Variants in CNOT6L observed in about 807,000 individuals in gnomAD.
CNOT6L encodes CCR4-NOT transcription complex subunit 6 like.
A neutral mutation model predicts 64.0 loss-of-function variants in CNOT6L; 7 were observed. The observed-to-expected ratio is 0.11, with a 90% CI of 0.06 to 0.21. The LOEUF (loss-of-function observed/expected upper bound fraction) is 0.21. CNOT6L is among the 10% of genes least tolerant of loss of function. The probability of loss-of-function intolerance (pLI) is 1.00; values close to 1 mark genes in which losing one functional copy is unlikely to be tolerated. For synonymous variants in CNOT6L, 193 were observed against 243.4 expected, an observed-to-expected ratio of 0.79 and a Z score of 1.93; for missense variants, 245 against 669.0, an observed-to-expected ratio of 0.37 and a Z score of 6.99.
intron 5 of CNOT6L, among the ~76,000 whole-genome samples, chr4:77,750,303 T>A (rs1047257455): frequency 6.6e-6 from 1 of 152,174 alleles, no homozygotes; most frequent in Non-Finnish European, 1.5e-5. Flanking sequence ...AACAGGAATT[T>A]TAACTTTTTT....
intron 4 of CNOT6L, among the ~76,000 whole-genome samples, chr4:77,760,725 ATT>A (rs796165992): frequency 6.9e-6 from 1 of 145,776 alleles, no homozygotes. Context: ...AGGAAAGGAA[ATT>A]TTTTTTTTTT....
chr4:77,789,668 A>G (rs1244942962), intron 1 of CNOT6L, among the ~76,000 whole-genome samples: 1 of 151,780 alleles, frequency 6.6e-6, no homozygotes, highest in Non-Finnish European at 1.5e-5. Context: ...TCAAAAAAAA[A>G]AGCCAAGCAT....
intron 3 of CNOT6L, 41 bp from the exon 4 acceptor site, chr4:77,773,207 G>A (rs993888633): frequency 8.2e-6 from 10 of 1,221,226 alleles, no homozygotes; most frequent in Non-Finnish European, 1.1e-5. Flanking sequence ...AATATACTAA[G>A]TTTTATTAAC....
At chr4:77,762,220 A>G (rs531420003) in intron 4 of CNOT6L, among the ~76,000 whole-genome samples, 35 of 152,308 alleles carry the variant, frequency 2.3e-4, no homozygotes, top group Middle Eastern at 3.4e-3. Context: ...TGCATAAATC[A>G]TAAGTTCATT....
intron 1 of CNOT6L, among the ~76,000 whole-genome samples, chr4:77,807,227 GA>G (rs1732330507): frequency 7.0e-6 from 1 of 143,220 alleles, no homozygotes; most frequent in Non-Finnish European, 1.5e-5. Context: ...GCAGTGAGCC[GA>G]GATCGCGCCA....
At chr4:77,812,465 G>C (rs528319792) in intron 1 of CNOT6L, among the ~76,000 whole-genome samples, 16 of 149,436 alleles carry the variant, frequency 1.1e-4, no homozygotes, top group African/African-American at 2.5e-4. Flanking sequence ...AAAACTATTA[G>C]AACTAAGAAA....
chr4:77,758,114 G>A (rs1725768875), intron 4 of CNOT6L, among the ~76,000 whole-genome samples: 1 of 152,098 alleles, frequency 6.6e-6, no homozygotes, highest in Non-Finnish European at 1.5e-5. Context: ...AAGTCTGGTT[G>A]GTAGTTTCTA....
intron 4 of CNOT6L, among the ~76,000 whole-genome samples, chr4:77,772,287 C>T (rs940889659): frequency 2.0e-5 from 3 of 152,038 alleles, no homozygotes; most frequent in Admixed American, 6.6e-5. Context: ...GGCTGGAACA[C>T]AGTGGCGCGA....
At chr4:77,746,457 A>AT (rs1460479624) in intron 6 of CNOT6L, among the ~76,000 whole-genome samples, 1 of 152,170 alleles carries the variant, frequency 6.6e-6, no homozygotes, top group South Asian at 2.1e-4. Flanking sequence ...AGTAAAATGC[A>AT]TTTTTAACAG....
Position 77,714,516 on chromosome 4 carries a change from GA to G in CNOT6L, c.*5914del, listed in dbSNP as rs1468791726. 1 of 136,386 alleles carries G rather than the reference GA, an allele frequency of 7.3e-6. No homozygotes were observed. The highest frequency in any genetic ancestry group is 1.5e-5 in the Non-Finnish European group (1 of 64,786). The allele number at this position is 136,386 out of a possible 1,614,324, so 8.4% of individuals were successfully genotyped here. ...CCACTCCAGAGACAACAAAGCCAAAGATGAAACATTCAACCTTCTCAAAATA... is the reference window on the plus strand; with the variant it reads ...CCACTCCAGAGACAACAAAGCCAAAGTGAAACATTCAACCTTCTCAAAATA... On this transcript the variant is annotated 3_prime_UTR_variant, in exon 12 of 12. Transcript: ENST00000504123.
At chr4:77,775,621 T>A (rs575615983) in intron 2 of CNOT6L, among the ~76,000 whole-genome samples, 1 of 152,208 alleles carries the variant, frequency 6.6e-6, no homozygotes, top group Non-Finnish European at 1.5e-5. Context: ...CCAGTTTTTA[T>A]ACCTTTTTGT....
In CNOT6L at chr4:77,780,792, G is replaced by T. The variant is rs1467568444; in HGVS notation, c.6-4400C>A. Among the ~76,000 whole-genome samples, 14 of 152,270 alleles carry T rather than the reference G, an allele frequency of 9.2e-5. 1 individual carries two copies. The highest frequency in any genetic ancestry group is 4.2e-4 in the South Asian group (2 of 4,814). Reference sequence around the variant, plus strand: ...GCTTCAGATAAATCTGTAAAATACTGACTTCATAGGAAACGTATTTCAAAG... The same window carrying T: ...GCTTCAGATAAATCTGTAAAATACTTACTTCATAGGAAACGTATTTCAAAG... On this transcript the variant is annotated intron_variant, in intron 1 of 11. Transcript: ENST00000504123.
intron 1 of CNOT6L, among the ~76,000 whole-genome samples, chr4:77,797,126 A>AAAAAC (rs59311223): frequency 6.7e-6 from 1 of 150,276 alleles, no homozygotes. Flanking sequence ...AAAAAAAAAA[A>AAAAAC]CTGCCAAGGA....
intron 11 of CNOT6L, 58 bp from the exon 12 acceptor site, chr4:77,720,701 C>T: frequency 6.4e-7 from 1 of 1,566,786 alleles, no homozygotes; most frequent in Non-Finnish European, 8.7e-7. Context: ...AAAGAACAAT[C>T]CATAATTTAT....
At chr4:77,759,181 C>T (rs1725891727) in intron 4 of CNOT6L, among the ~76,000 whole-genome samples, 2 of 151,926 alleles carry the variant, frequency 1.3e-5, no homozygotes, top group Non-Finnish European at 1.5e-5. Context: ...ATACAAGATG[C>T]ACAATATATA....
At chr4:77,727,562 C>CAAAAAAAAAAAA (rs55848621) in intron 10 of CNOT6L, among the ~76,000 whole-genome samples, 2 of 84,590 alleles carry the variant, frequency 2.4e-5, no homozygotes, top group African/African-American at 4.9e-5. Context: ...AACTCTGTCT[C>CAAAAAAAAAAAA]AAAAAAAAAA....
upstream of CNOT6L, chr4:77,819,536 GGCGC>G: frequency 3.0e-6 from 2 of 656,536 alleles, no homozygotes; most frequent in Non-Finnish European, 4.4e-6. Flanking sequence ...CTCGCGGGCG[GGCGC>G]GCAGGGAACC....
intron 8 of CNOT6L, among the ~76,000 whole-genome samples, chr4:77,737,403 G>GTTTTTTTTTTTTTTTTTT (rs1723076948): frequency 2.6e-5 from 3 of 116,046 alleles, no homozygotes; most frequent in African/African-American, 1.0e-4. Flanking sequence ...TATTTGTACC[G>GTTTTTTTTTTTTTTTTTT]TTCTTTTTTT....
At chr4:77,805,808 A>C (rs1413605134) in intron 1 of CNOT6L, among the ~76,000 whole-genome samples, 1 of 152,214 alleles carries the variant, frequency 6.6e-6, no homozygotes, top group African/African-American at 2.4e-5. Flanking sequence ...ACAGCACCAA[A>C]GATTAAGAAT....
Sources: gnomAD v4.1 joint callset for allele counts (sites outside exome capture counted in the v4.1 genomes callset) on GRCh38, gnomAD v4.1.1 for gene constraint, MANE v1.5 for transcripts, NCBI Gene and HGNC (gene_info 2026-07-23, HGNC 2026-07-21) for gene names.